IGSF21: variants seen among roughly 807,000 people sequenced by gnomAD.
IGSF21 encodes the protein immunoglobulin superfamily member 21.
A neutral mutation model predicts 46.8 loss-of-function variants in IGSF21; 28 were observed. That is an observed-to-expected ratio of 0.60 (90% CI 0.44 to 0.82). The LOEUF is 0.82. Ranked by LOEUF, IGSF21 falls within the 40% of genes least tolerant of loss-of-function variation. The pLI, the probability that IGSF21 is intolerant of heterozygous loss-of-function variation, is 0.00. For synonymous variants in IGSF21, 284 were observed against 273.6 expected (o/e 1.04, Z -0.38); for missense variants, 624 against 665.5 (o/e 0.94, Z 0.69).
chr1:18,192,802 C>T (rs2086970625), intron 1 of IGSF21, among the ~76,000 whole-genome samples: 1 of 152,006 alleles, frequency 6.6e-6, no homozygotes. Context: ...TAATCTCCCT[C>T]CTGAAGTCTC....
intron 1 of IGSF21, among the ~76,000 whole-genome samples, chr1:18,122,474 A>G (rs772868213): frequency 1.2e-4 from 18 of 151,790 alleles, no homozygotes; most frequent in Non-Finnish European, 2.2e-4. Context: ...TATAGGCGTG[A>G]GCCACCACGC....
At chr1:18,295,306 C>T (rs1265229307) in intron 3 of IGSF21, among the ~76,000 whole-genome samples, 1 of 152,180 alleles carries the variant, frequency 6.6e-6, no homozygotes, top group Non-Finnish European at 1.5e-5. Context: ...TTGGAATTGA[C>T]AAGAATGTAT....
chr1:18,331,751 C>T (rs893765551), intron 3 of IGSF21, among the ~76,000 whole-genome samples: 2 of 152,132 alleles, frequency 1.3e-5, no homozygotes, highest in Non-Finnish European at 2.9e-5. Flanking sequence ...ACCTCTGCCT[C>T]CATATTCCAG....
intron 2 of IGSF21, among the ~76,000 whole-genome samples, chr1:18,241,132 G>A (rs2084723310): frequency 6.6e-6 from 1 of 152,190 alleles, no homozygotes; most frequent in African/African-American, 2.4e-5. Flanking sequence ...GAGTTGAGAG[G>A]AGGGGGAGGA....
intron 3 of IGSF21, among the ~76,000 whole-genome samples, chr1:18,301,413 C>T (rs1346816500): frequency 2.6e-5 from 4 of 152,226 alleles, no homozygotes; most frequent in Non-Finnish European, 4.4e-5. Context: ...GATCTCAGCT[C>T]GCTGCAACCT....
intron 1 of IGSF21, among the ~76,000 whole-genome samples, chr1:18,178,835 T>C (rs12135715): frequency 0.22 from 32,958 of 151,846 alleles, 4,497 homozygotes; most frequent in Middle Eastern, 0.32. Context: ...CAGGCAGCAG[T>C]TCGGGGAGCG....
At chr1:18,355,905 G>A (rs1024107991) in intron 4 of IGSF21, among the ~76,000 whole-genome samples, 8 of 145,036 alleles carry the variant, frequency 5.5e-5, no homozygotes, top group Non-Finnish European at 1.0e-4. Flanking sequence ...GCACAGTCTC[G>A]GCTCACTGCA....
chr1:18,144,979 T>G (rs2086452227), intron 1 of IGSF21, among the ~76,000 whole-genome samples: 1 of 152,202 alleles, frequency 6.6e-6, no homozygotes, highest in African/African-American at 2.4e-5. Flanking sequence ...CCTTCCTCCC[T>G]GCTGTTTTGA....
intron 1 of IGSF21, among the ~76,000 whole-genome samples, chr1:18,178,257 T>C (rs2086822738): frequency 6.6e-6 from 1 of 152,182 alleles, no homozygotes; most frequent in Admixed American, 6.5e-5. Context: ...ATTCTCGTTA[T>C]CCCCTTAATT....
At chr1:18,165,473 C>G (rs1443199088) in intron 1 of IGSF21, among the ~76,000 whole-genome samples, 1 of 152,136 alleles carries the variant, frequency 6.6e-6, no homozygotes, top group South Asian at 2.1e-4. Context: ...CATTTTAGGC[C>G]AATTACTTCT....
intron 1 of IGSF21, among the ~76,000 whole-genome samples, chr1:18,186,948 C>T (rs184997088): frequency 6.6e-6 from 1 of 152,228 alleles, no homozygotes; most frequent in Non-Finnish European, 1.5e-5. Context: ...CTTTCTTCAA[C>T]ACACTTATTT....
intron 1 of IGSF21, among the ~76,000 whole-genome samples, chr1:18,147,901 G>A (rs2086484483): frequency 2.6e-5 from 4 of 152,196 alleles, no homozygotes; most frequent in Admixed American, 2.6e-4. Context: ...AATCGTGGGG[G>A]TGGGTCTTTC....
intron 2 of IGSF21, among the ~76,000 whole-genome samples, chr1:18,248,495 G>A (rs2084805270): frequency 6.6e-6 from 1 of 152,088 alleles, no homozygotes; most frequent in Non-Finnish European, 1.5e-5. Context: ...TTTCTAGAAG[G>A]TCAGAGGGTA....
chr1:18,120,348 G>A (rs1476120763), intron 1 of IGSF21, among the ~76,000 whole-genome samples: 1 of 152,184 alleles, frequency 6.6e-6, no homozygotes, highest in African/African-American at 2.4e-5. Context: ...GAAGCTGGAG[G>A]GAGAAATACC....
intron 2 of IGSF21, among the ~76,000 whole-genome samples, chr1:18,236,951 G>A (rs145549344): frequency 2.2e-3 from 340 of 152,318 alleles, no homozygotes; most frequent in Admixed American, 4.0e-3. Flanking sequence ...GGTGCATTGA[G>A]ATCAGCAGTA....
At chr1:18,195,326 A>C (rs894223472) in intron 1 of IGSF21, among the ~76,000 whole-genome samples, 5 of 152,198 alleles carry the variant, frequency 3.3e-5, no homozygotes, top group African/African-American at 1.2e-4. Flanking sequence ...TCGGAACAGC[A>C]CAGGGAACTT....
chr1:18,291,850 C>T lies in IGSF21; in HGVS notation c.184-16C>T. Reference sequence around the variant, plus strand: ...GTTGAGCACTCACGTGTGGCTATCTCTGTGCTCTGTGGCAGGTGACGGATG... The same window carrying T: ...GTTGAGCACTCACGTGTGGCTATCTTTGTGCTCTGTGGCAGGTGACGGATG... On this transcript the variant is annotated splice_polypyrimidine_tract_variant and intron_variant, in intron 2 of 9. Coordinates refer to ENST00000251296, the MANE Select transcript of IGSF21 (RefSeq NM_032880.5). 6.2e-7 allele frequency: 1 copy of T among 1,613,010 alleles called. No individual in the cohort carries two copies. The highest frequency in any genetic ancestry group is 1.1e-5 in the South Asian group (1 of 90,840).
intron 3 of IGSF21, among the ~76,000 whole-genome samples, chr1:18,316,989 C>G (rs532085898): frequency 1.3e-5 from 2 of 152,152 alleles, no homozygotes; most frequent in South Asian, 4.1e-4. Context: ...CAGAGTCCAC[C>G]CTTTGTTTTA....
At chr1:18,203,856 A>T (rs2087101238) in intron 1 of IGSF21, among the ~76,000 whole-genome samples, 1 of 152,166 alleles carries the variant, frequency 6.6e-6, no homozygotes, top group Admixed American at 6.5e-5. Context: ...CAAAATCGAA[A>T]CTGTTATGTG....
Sources: allele counts gnomAD v4.1 joint callset (sites outside exome capture counted in the v4.1 genomes callset), GRCh38; gene constraint gnomAD v4.1.1; transcripts MANE v1.5; gene names NCBI Gene and HGNC (gene_info 2026-07-23, HGNC 2026-07-21).